ACAN: variants seen among roughly 807,000 people sequenced by gnomAD.
ACAN encodes aggrecan.
In ACAN, 47 loss-of-function variants were observed where a neutral mutation model predicts 169.1. The ratio of observed to expected loss-of-function variants is 0.28; its 90% confidence interval spans 0.22 to 0.35. ACAN has a LOEUF of 0.35. Ranked by LOEUF, ACAN falls within the 10% of genes least tolerant of loss-of-function variation. ACAN has a pLI of 1.00. For missense variants in ACAN, 2,716 were observed against 2,759.9 expected (o/e 0.98, Z 0.36); for synonymous variants, 1,115 against 1,112.2 (o/e 1.00, Z -0.05).
At position 88,838,876 on chromosome 15, in the gene ACAN, G is replaced by A. The variant is rs539804190; in HGVS notation, c.284G>A (p.Arg95Gln). The change falls in exon 3 of 19, where the codon CGG becomes CAG. Residue 95 changes from arginine (R) to glutamine (Q), a missense_variant. This residue lies in a region of ACAN where 1,283 missense variants were observed against 1,281.5 expected (regional missense o/e 1.00). Transcript: ENST00000560601. The surrounding 1 kb of genome is among the most constrained non-coding windows in gnomAD (Gnocchi z 5.1). ...VLLVATEGRV[R>Q]VNSAYQDKVS... ...CTGGTGGCCACTGAAGGGCGCGTGC[G>A]GGTCAACAGTGCCTATCAGGACAAG... 18 of 1,614,032 alleles carry A rather than the reference G, an allele frequency of 1.1e-5. No homozygotes were observed. Among genetic ancestry groups the A allele is most frequent in the African/African-American group, 6.7e-5 (5 of 75,040 alleles).
intron 1 of ACAN, among the ~76,000 whole-genome samples, chr15:88,812,515 A>G (rs1368687804): frequency 1.3e-5 from 2 of 151,760 alleles, no homozygotes; most frequent in Non-Finnish European, 1.5e-5. Context: ...TCCTCCTCAC[A>G]TCATTCTCCC....
At chr15:88,832,093 T>A (rs189715653) in intron 1 of ACAN, among the ~76,000 whole-genome samples, 118 of 152,130 alleles carry the variant, frequency 7.8e-4, no homozygotes, top group African/African-American at 2.7e-3. Flanking sequence ...TGTGATGGAA[T>A]GAGCACCTAA....
rs374926233 is a variant in ACAN at position 88,839,058 on chromosome 15, C to G, written c.454+12C>G. The G allele has an allele frequency of 1.4e-5, 23 of 1,599,442 alleles. No individual in the cohort carries two copies. Among genetic ancestry groups the G allele is most frequent in the Non-Finnish European group, 1.9e-5 (22 of 1,179,220 alleles). On this transcript the variant is annotated intron_variant, in intron 3 of 18. Coordinates refer to ENST00000560601, the MANE Select transcript of ACAN (RefSeq NM_001369268.1). The surrounding 1 kb of genome is among the most constrained non-coding windows in gnomAD (Gnocchi z 4.5). ...AGTCGTGGTGAAAGGTGAGAGCCTC[C>G]CACAGGGACAGACGCTGCTTCACCC... is the stretch of plus-strand genomic sequence containing the variant.
At chr15:88,816,568 A>G (rs919872056) in intron 1 of ACAN, among the ~76,000 whole-genome samples, 2 of 152,188 alleles carry the variant, frequency 1.3e-5, no homozygotes, top group Non-Finnish European at 2.9e-5. Flanking sequence ...ATAGATAACA[A>G]CACTGAGACA....
chr15:88,817,259 G>C (rs1403460865), intron 1 of ACAN, among the ~76,000 whole-genome samples: 4 of 151,842 alleles, frequency 2.6e-5, no homozygotes, highest in African/African-American at 9.7e-5. Flanking sequence ...CTTCTGCCTC[G>C]GCCTCCAGAG....
intron 1 of ACAN, among the ~76,000 whole-genome samples, chr15:88,820,992 A>G (rs1302706470): frequency 6.6e-6 from 1 of 152,188 alleles, no homozygotes; most frequent in Admixed American, 6.5e-5. Context: ...GATGGCAGGA[A>G]GGAGAAGTGC....
At chr15:88,837,166 G>A in intron 2 of ACAN, among the ~76,000 whole-genome samples, 1 of 152,150 alleles carries the variant, frequency 6.6e-6, no homozygotes, top group East Asian at 1.9e-4. Flanking sequence ...AGGGGCCAAG[G>A]AGTGGCTGTT....
intron 13 of ACAN, among the ~76,000 whole-genome samples, chr15:88,863,233 C>T (rs1019667193): frequency 6.6e-6 from 1 of 152,112 alleles, no homozygotes; most frequent in Non-Finnish European, 1.5e-5. Flanking sequence ...AGTTATTTAG[C>T]AATTAAAAGC....
chr15:88,835,045 T>A (rs903710800), intron 1 of ACAN, among the ~76,000 whole-genome samples: 2 of 152,260 alleles, frequency 1.3e-5, no homozygotes, highest in African/African-American at 4.8e-5. Context: ...AAGGTTTGTC[T>A]TTCTAATCCA....
chr15:88,847,796 C>T, intron 8 of ACAN, 115 bp from the exon 9 acceptor site: 1 of 1,338,060 alleles, frequency 7.5e-7, no homozygotes, highest in Non-Finnish European at 1.0e-6. Context: ...TGAATACCAC[C>T]AGACAACTGA....
intron 1 of ACAN, among the ~76,000 whole-genome samples, 156 bp downstream of exon 1, chr15:88,803,965 C>T (rs1296428823): frequency 6.6e-6 from 1 of 152,192 alleles, no homozygotes; most frequent in East Asian, 1.9e-4. Flanking sequence ...CCACCGGCTG[C>T]GTCCGCGGTG....
chr15:88,852,944 G>A (rs2141597978), intron 11 of ACAN, among the ~76,000 whole-genome samples: 1 of 152,320 alleles, frequency 6.6e-6, no homozygotes, highest in East Asian at 1.9e-4. Flanking sequence ...AGCATTCTGT[G>A]CATGGTTCCA....
intron 1 of ACAN, among the ~76,000 whole-genome samples, chr15:88,805,847 C>T (rs1386441320): frequency 1.3e-5 from 2 of 152,200 alleles, no homozygotes; most frequent in African/African-American, 4.8e-5. Flanking sequence ...CCCAGGCACA[C>T]CTCTTGCCCC....
In ACAN at chr15:88,868,605, G is replaced by T. The variant is rs1344599284; in HGVS notation, c.7060+276G>T. ...ATGCCACCACCGAGGTTGGTGTATG[G>T]TTCAGACTAAGAGGACAGGGCTGAT... is the stretch of plus-strand genomic sequence containing the variant. On this transcript the variant is annotated intron_variant, in intron 14 of 18. Coordinates refer to ENST00000560601, the MANE Select transcript of ACAN (RefSeq NM_001369268.1). This position sits in a 1 kb window ranked among gnomAD's most constrained non-coding sequence, Gnocchi z 5.2. Among the ~76,000 whole-genome samples, 1 of 152,238 alleles carries T rather than the reference G, an allele frequency of 6.6e-6. No individual in the cohort carries two copies. Among genetic ancestry groups the T allele is most frequent in the Admixed American group, 6.5e-5 (1 of 15,290 alleles).
In ACAN at chr15:88,872,437, G is replaced by A. The variant is rs568459074; in HGVS notation, c.7302+352G>A. ...AACATAGATGCCAAGTGAATGGTAC[G>A]GGCACCCAGTGATTCTCTTTGTCCT... is the stretch of plus-strand genomic sequence containing the variant. On this transcript the variant is annotated intron_variant, in intron 16 of 18. Transcript: ENST00000560601. This position sits in a 1 kb window ranked among gnomAD's most constrained non-coding sequence, Gnocchi z 5.4. 3.9e-5 allele frequency among the ~76,000 whole-genome samples: 6 copies of A among 152,224 alleles called. No homozygotes were observed. The highest frequency in any genetic ancestry group is 4.2e-4 in the South Asian group (2 of 4,812).
Position 88,868,088 on chromosome 15 carries a change from G to T in ACAN, c.6947-128G>T. On this transcript the variant is annotated intron_variant, in intron 13 of 18. Transcript: ENST00000560601. This position sits in a 1 kb window ranked among gnomAD's most constrained non-coding sequence, Gnocchi z 5.2. ...CAGCAGCAGCAGCAACAGTTCTCAG[G>T]AAAACCAGCCAGTTCCCTCCCAGGG... is the stretch of plus-strand genomic sequence containing the variant. The T allele has an allele frequency of 1.6e-6, 1 of 620,150 alleles. No individual in the cohort carries two copies. The highest frequency in any genetic ancestry group is 1.9e-5 in the South Asian group (1 of 52,350). 38.4% of individuals were successfully genotyped at this position (620,150 alleles called of 1,614,324 possible). A position where few individuals can be genotyped will look rare whatever the true frequency, so the allele number is the denominator to read the frequency against.
At chr15:88,853,749 G>C (rs138169651) in intron 11 of ACAN, among the ~76,000 whole-genome samples, 4,945 of 124,596 alleles carry the variant, frequency 0.04, 91 homozygotes, top group Middle Eastern at 0.082. Flanking sequence ...TAGATAGATA[G>C]ATAGATACAT....
chr15:88,852,014 G>C lies in ACAN; in HGVS notation c.2247G>C (p.Val749=). The C allele has an allele frequency of 6.2e-7, 1 of 1,607,002 alleles. No homozygotes were observed. Among genetic ancestry groups the C allele is most frequent in the Non-Finnish European group, 8.5e-7 (1 of 1,176,780 alleles). Residue 749 remains valine, a synonymous_variant, in exon 11 of 19, where the codon GTG becomes GTC. Transcript: ENST00000560601. Reference sequence around the variant, plus strand: ...AATGGGAACCAGCCTATACCCCAGTGGGCACATCCCCGCTGCCAGGTTGGT... The same window carrying C: ...AATGGGAACCAGCCTATACCCCAGTCGGCACATCCCCGCTGCCAGGTTGGT... ...QTEWEPAYTP[V]GTSPLPGILP...
chr15:88,830,959 T>C (rs1453656426), intron 1 of ACAN, among the ~76,000 whole-genome samples: 1 of 152,128 alleles, frequency 6.6e-6, no homozygotes, highest in Non-Finnish European at 1.5e-5. Flanking sequence ...GTAGGTACAG[T>C]TTGTTGTTGA....
Sources: gnomAD v4.1 joint callset for allele counts (sites outside exome capture counted in the v4.1 genomes callset) on GRCh38, gnomAD v4.1.1 for gene constraint, gnomAD v4.1.1 regional missense constraint, Gnocchi (gnomAD v3.1) non-coding constraint, MANE v1.5 for transcripts, NCBI Gene and HGNC (gene_info 2026-07-23, HGNC 2026-07-21) for gene names.